Variants in MOB3B observed in about 807,000 individuals in gnomAD.
The protein encoded by MOB3B is MOB kinase activator 3B.
A neutral mutation model predicts 18.7 loss-of-function variants in MOB3B; 7 were observed. The observed-to-expected ratio is 0.37, with a 90% CI of 0.21 to 0.70. The LOEUF is 0.70. MOB3B is among the 30% of genes least tolerant of loss of function. The probability of loss-of-function intolerance (pLI) is 0.52; values close to 1 mark genes in which losing one functional copy is unlikely to be tolerated. For synonymous variants in MOB3B, 111 were observed against 99.9 expected (o/e 1.11, Z -0.66); for missense variants, 253 against 281.3 (o/e 0.90, Z 0.72).
At chr9:27,335,847 C>T (rs989126434) in intron 3 of MOB3B, among the ~76,000 whole-genome samples, 5 of 152,152 alleles carry the variant, frequency 3.3e-5, no homozygotes, top group Non-Finnish European at 7.3e-5. Flanking sequence ...CACTGTTGTG[C>T]GACCGTTTAT....
chr9:27,341,489 C>T (rs1190975601), intron 3 of MOB3B, among the ~76,000 whole-genome samples: 1 of 152,200 alleles, frequency 6.6e-6, no homozygotes, highest in Non-Finnish European at 1.5e-5. Flanking sequence ...TCTGTAGTTT[C>T]TAAGCAGTCT....
intron 3 of MOB3B, among the ~76,000 whole-genome samples, chr9:27,346,027 T>C (rs1007133885): frequency 7.9e-5 from 12 of 152,160 alleles, no homozygotes; most frequent in African/African-American, 2.2e-4. Flanking sequence ...CCCAGTGTAA[T>C]AGTATTAAGA....
rs537889336 is a variant in MOB3B at position 27,417,784 on chromosome 9, C to T, written c.418+37349G>A. 4.6e-5 allele frequency among the ~76,000 whole-genome samples: 7 copies of T among 151,782 alleles called. 1 individual carries two copies. Among genetic ancestry groups the T allele is most frequent in the African/African-American group, 1.7e-4 (7 of 41,358 alleles). ...GAAAATAGAAACACAACCCTTTGGC[C>T]GGGTGCGGTGGCTCACGCCTGTAAT... On this transcript the variant is annotated intron_variant, in intron 2 of 3. Coordinates refer to ENST00000262244, the MANE Select transcript of MOB3B (RefSeq NM_024761.5).
chr9:27,359,364 GGA>G, intron 2 of MOB3B, 128 bp from the exon 3 acceptor site: 2 of 667,858 alleles, frequency 3.0e-6, no homozygotes, highest in South Asian at 1.8e-5. Flanking sequence ...GGAGTCATAG[GGA>G]GTGTGTGTGT....
chr9:27,394,385 C>G (rs1315227880), intron 2 of MOB3B: 1 of 151,752 alleles, frequency 6.6e-6, no homozygotes, highest in Non-Finnish European at 1.5e-5. Context: ...GCTGTAAAAA[C>G]ATTTTCAAAG....
intron 3 of MOB3B, among the ~76,000 whole-genome samples, chr9:27,344,310 A>G (rs1248819938): frequency 6.6e-6 from 1 of 152,226 alleles, no homozygotes; most frequent in Non-Finnish European, 1.5e-5. Context: ...GAAAACATCC[A>G]TGCCCAACTA....
At chr9:27,463,570 C>A (rs1275759408) in intron 1 of MOB3B, among the ~76,000 whole-genome samples, 2 of 152,142 alleles carry the variant, frequency 1.3e-5, no homozygotes, top group Non-Finnish European at 2.9e-5. Context: ...ACTTCGCGGT[C>A]TAGATTCAAA....
At chr9:27,478,546 G>C (rs764874372) in intron 1 of MOB3B, among the ~76,000 whole-genome samples, 2 of 151,996 alleles carry the variant, frequency 1.3e-5, no homozygotes, top group African/African-American at 2.4e-5. Context: ...GCTGAAAAGA[G>C]AATTACCATC....
chr9:27,375,404 T>A (rs1344252235), intron 2 of MOB3B, among the ~76,000 whole-genome samples: 1 of 152,232 alleles, frequency 6.6e-6, no homozygotes, highest in African/African-American at 2.4e-5. Context: ...TGTTTTGCAA[T>A]ACAAGAGTTT....
At position 27,435,047 on chromosome 9, in the gene MOB3B, TTC is replaced by T. The variant is rs60408942; in HGVS notation, c.418+20084_418+20085del. Reference sequence around the variant, plus strand: ...AAGGAAAATACCATTTGTAAGGTGTTTCTCTCTCTCTCTCTCTCTCTCTCTCT... The same window carrying T: ...AAGGAAAATACCATTTGTAAGGTGTTTCTCTCTCTCTCTCTCTCTCTCTCT... On this transcript the variant is annotated intron_variant, in intron 2 of 3. Transcript: ENST00000262244. 8.6e-3 allele frequency among the ~76,000 whole-genome samples: 1,246 copies of T among 145,698 alleles called. 10 individuals are homozygous for T. The highest frequency in any genetic ancestry group is 0.017 in the African/African-American group (656 of 39,698).
chr9:27,401,679 A>G (rs999498905), intron 2 of MOB3B, among the ~76,000 whole-genome samples: 1 of 152,250 alleles, frequency 6.6e-6, no homozygotes, highest in African/African-American at 2.4e-5. Flanking sequence ...GAGCACATCT[A>G]GAAATCAAAA....
chr9:27,465,789 C>T (rs1248499572), intron 1 of MOB3B, among the ~76,000 whole-genome samples: 1 of 152,210 alleles, frequency 6.6e-6, no homozygotes, highest in Non-Finnish European at 1.5e-5. Context: ...GGCTTCCACC[C>T]TCTGAAGCCA....
chr9:27,386,120 C>A (rs1821647729), intron 2 of MOB3B, among the ~76,000 whole-genome samples: 2 of 152,230 alleles, frequency 1.3e-5, no homozygotes, highest in South Asian at 4.1e-4. Flanking sequence ...ATAGAAGACA[C>A]TGGGTGCCCA....
Position 27,496,134 on chromosome 9 carries a change from CA to C in MOB3B, c.-199+33420del, listed in dbSNP as rs1437334738. Reference sequence around the variant, plus strand: ...CTCTCATTACTTGTATGACAAAATACAGCAAGTATTCCAACTGAGTTGTCAC... The same window carrying C: ...CTCTCATTACTTGTATGACAAAATACGCAAGTATTCCAACTGAGTTGTCAC... On this transcript the variant is annotated intron_variant, in intron 1 of 3. Coordinates refer to ENST00000262244, the MANE Select transcript of MOB3B (RefSeq NM_024761.5). Among the ~76,000 whole-genome samples the C allele has an allele frequency of 3.9e-5, 6 of 152,330 alleles. No individual in the cohort carries two copies. The East Asian group carries it at 1.2e-3, about 29-fold the overall frequency.
chr9:27,469,156 G>A (rs1819434266), intron 1 of MOB3B, among the ~76,000 whole-genome samples: 1 of 152,112 alleles, frequency 6.6e-6, no homozygotes, highest in Non-Finnish European at 1.5e-5. Context: ...TTGTAGAGAT[G>A]GGGGTCTTGC....
chr9:27,488,480 T>C (rs1333876880), intron 1 of MOB3B, among the ~76,000 whole-genome samples: 1 of 152,218 alleles, frequency 6.6e-6, no homozygotes, highest in African/African-American at 2.4e-5. Context: ...CAATCTTGGC[T>C]TACTGCAGCC....
intron 1 of MOB3B, among the ~76,000 whole-genome samples, chr9:27,459,274 G>A (rs935014929): frequency 6.6e-6 from 1 of 152,160 alleles, no homozygotes; most frequent in African/African-American, 2.4e-5. Flanking sequence ...ACAGTGCTTA[G>A]CCAATGTGAA....
chr9:27,428,638 G>T (rs990953169), intron 2 of MOB3B, among the ~76,000 whole-genome samples: 1 of 152,234 alleles, frequency 6.6e-6, no homozygotes, highest in African/African-American at 2.4e-5. Context: ...TTATTGACAT[G>T]ACTTATTGCC....
At chr9:27,529,407 G>A (rs1018374958) in intron 1 of MOB3B, 148 bp downstream of exon 1, 61 of 342,394 alleles carry the variant, frequency 1.8e-4, no homozygotes, top group African/African-American at 1.3e-3. Context: ...CGTGGCCGGC[G>A]GGCAGAAGAC....
Sources: allele counts gnomAD v4.1 joint callset (sites outside exome capture counted in the v4.1 genomes callset), GRCh38; gene constraint gnomAD v4.1.1; transcripts MANE v1.5; gene names NCBI Gene and HGNC (gene_info 2026-07-23, HGNC 2026-07-21).